The following XYLB variants were observed in gnomAD, a reference collection of about 807,000 sequenced individuals.
The protein encoded by XYLB is xylulose kinase.
In XYLB, 62 loss-of-function variants were observed where a neutral mutation model predicts 78.7. That is an observed-to-expected ratio of 0.79 (90% confidence interval 0.64 to 0.97). XYLB has a LOEUF of 0.97. Ranked by LOEUF, XYLB falls within the 50% of genes least tolerant of loss-of-function variation. XYLB has a pLI of 0.00. For synonymous variants in XYLB, 245 were observed against 247.4 expected (o/e 0.99, Z 0.09); for missense variants, 687 against 676.8 (o/e 1.02, Z -0.17).
At chr3:38,423,993 G>A (rs1449759217), downstream of XYLB, among the ~76,000 whole-genome samples, 1 of 152,138 alleles carries the variant, frequency 6.6e-6, no homozygotes, top group Admixed American at 6.5e-5. Context: ...AATTGGATAT[G>A]ACCTGCTCTA....
chr3:38,442,915 G>C, the XYLB span, among the ~76,000 whole-genome samples: 21 of 152,124 alleles, frequency 1.4e-4, no homozygotes, highest in Non-Finnish European at 2.6e-4. Flanking sequence ...CCAGACTTCA[G>C]TGTTGATTCC....
At chr3:38,395,472 A>G (rs1707830090) in intron 15 of XYLB, 33 bp from the exon 16 acceptor site, 2 of 1,607,916 alleles carry the variant, frequency 1.2e-6, no homozygotes, top group South Asian at 1.1e-5. Flanking sequence ...GAGAACTGGC[A>G]TAGCTATTTT....
rs1708668695 is a variant in XYLB, at chr3:38,413,195, C to G, written c.*182C>G. On this transcript the variant is annotated 3_prime_UTR_variant, in exon 19 of 19. Coordinates refer to ENST00000207870, the MANE Select transcript of XYLB (RefSeq NM_005108.4). The stretch of plus-strand genomic sequence containing the variant: ...ACATCTGCATGAAGATAGATAGGCA[C>G]TCCTGTCCCTGTGCCCGTGTGCCCC... 2 of 506,340 alleles carry G rather than the reference C, an allele frequency of 3.9e-6. No individual in the cohort carries two copies. Among genetic ancestry groups the G allele is most frequent in the Non-Finnish European group, 3.3e-6 (1 of 299,508 alleles). 31.4% of individuals were successfully genotyped at this position (506,340 alleles called of 1,614,324 possible).
At chr3:38,440,462 A>G in the XYLB span, among the ~76,000 whole-genome samples, 1 of 152,208 alleles carries the variant, frequency 6.6e-6, no homozygotes, top group African/African-American at 2.4e-5. Flanking sequence ...CACTTACTGA[A>G]TACCCATTGT....
At chr3:38,365,376 C>A in intron 5 of XYLB, 91 bp downstream of exon 5, 3 of 1,458,368 alleles carry the variant, frequency 2.1e-6, no homozygotes, top group Non-Finnish European at 1.9e-6. Flanking sequence ...AGTGTTGCAG[C>A]TGTGCTCACG....
At chr3:38,351,323 A>G (rs1705352799) in intron 2 of XYLB, among the ~76,000 whole-genome samples, 1 of 151,748 alleles carries the variant, frequency 6.6e-6, no homozygotes, top group African/African-American at 2.4e-5. Context: ...AAAATTTTAA[A>G]ATTTCCTCTC....
intron 2 of XYLB, chr3:38,356,636 T>C (rs1206942187): frequency 6.6e-6 from 1 of 152,246 alleles, no homozygotes; most frequent in African/African-American, 2.4e-5. Flanking sequence ...ACCAGATACC[T>C]GGCATAATGT....
downstream of XYLB, among the ~76,000 whole-genome samples, chr3:38,417,879 C>CA (rs534465318): frequency 0.31 from 27,921 of 91,240 alleles, 4,732 homozygotes; most frequent in African/African-American, 0.5. Flanking sequence ...GACTTCATCT[C>CA]AAAAAAAAAA....
At chr3:38,372,506 A>C in intron 9 of XYLB, 149 bp from the exon 10 acceptor site, 1 of 1,475,482 alleles carries the variant, frequency 6.8e-7, no homozygotes, top group Non-Finnish European at 9.0e-7. Context: ...TGTGACAGGA[A>C]GTGATGTGAC....
chr3:38,439,806 C>T, the XYLB span, among the ~76,000 whole-genome samples: 3 of 151,692 alleles, frequency 2.0e-5, no homozygotes, highest in East Asian at 5.8e-4. Context: ...ATTTGAGAAA[C>T]CTTTTCCTGT....
intron 14 of XYLB, among the ~76,000 whole-genome samples, chr3:38,378,068 T>A (rs570141523): frequency 1.3e-5 from 2 of 152,224 alleles, no homozygotes; most frequent in Admixed American, 6.5e-5. Flanking sequence ...AGACACTCTG[T>A]CTGGAAACTG....
rs1200865139 is a variant in XYLB at position 38,402,482 on chromosome 3, G to C, written c.1533+1497G>C. ...CACACATAGGTGTGCCCAAGCATCT[G>C]TAATTTTTCTGTTTGTGAGAGGCTA... On this transcript the variant is annotated intron_variant, in intron 18 of 18. Transcript: ENST00000207870. Among the ~76,000 whole-genome samples, 9 of 152,322 alleles carry C rather than the reference G, an allele frequency of 5.9e-5. No individual in the cohort carries two copies. The South Asian group carries it at 8.3e-4, about 14-fold the overall frequency.
downstream of XYLB, among the ~76,000 whole-genome samples, chr3:38,425,231 G>T (rs1182544319): frequency 6.6e-6 from 1 of 152,186 alleles, no homozygotes; most frequent in Non-Finnish European, 1.5e-5. Context: ...GTATTAAATG[G>T]CATCTTCTGC....
downstream of XYLB, among the ~76,000 whole-genome samples, chr3:38,419,118 T>C (rs1317849021): frequency 6.6e-6 from 1 of 152,196 alleles, no homozygotes; most frequent in Non-Finnish European, 1.5e-5. Flanking sequence ...ATTCTAGGTT[T>C]TTCATATAAG....
chr3:38,426,842 CTCA>C, the XYLB span, among the ~76,000 whole-genome samples: 1 of 152,178 alleles, frequency 6.6e-6, no homozygotes. Context: ...ATGGGACATG[CTCA>C]TGATGGCTGT....
downstream of XYLB, among the ~76,000 whole-genome samples, chr3:38,424,545 G>C (rs62239928): frequency 0.015 from 2,237 of 152,166 alleles, 112 homozygotes; most frequent in East Asian, 0.16. Context: ...TTGAAGGTGC[G>C]GAAAATGTTT....
chr3:38,450,505 C>A, the XYLB span, among the ~76,000 whole-genome samples: 1 of 152,132 alleles, frequency 6.6e-6, no homozygotes, highest in Non-Finnish European at 1.5e-5. Context: ...ACACTGAATG[C>A]CTTAATGGCA....
intron 18 of XYLB, among the ~76,000 whole-genome samples, chr3:38,405,143 A>C (rs1708260550): frequency 6.6e-6 from 1 of 152,188 alleles, no homozygotes. Flanking sequence ...AGCACATTGT[A>C]TATATAATTT....
intron 17 of XYLB, 59 bp from the exon 18 acceptor site, chr3:38,400,832 T>C: frequency 4.1e-6 from 6 of 1,473,578 alleles, no homozygotes; most frequent in Non-Finnish European, 5.7e-6. Flanking sequence ...TTCGTGGTGT[T>C]TTTGGTTAAC....
Sources: gnomAD v4.1 joint callset for allele counts (sites outside exome capture counted in the v4.1 genomes callset) on GRCh38, gnomAD v4.1.1 for gene constraint, MANE v1.5 for transcripts, NCBI Gene and HGNC (gene_info 2026-07-23, HGNC 2026-07-21) for gene names.